The following SYTL2 variants were observed in gnomAD, a reference collection of about 807,000 sequenced individuals.
SYTL2 encodes synaptotagmin-like protein 2.
In SYTL2, 165 loss-of-function variants were observed where a neutral mutation model predicts 198.7. The observed-to-expected ratio is 0.83, with a 90% CI of 0.73 to 0.94. SYTL2 has a LOEUF of 0.94. SYTL2 is among the 40% of genes least tolerant of loss of function. SYTL2 has a pLI of 0.00. For synonymous variants in SYTL2, 966 were observed against 917.7 expected (o/e 1.05, Z -0.95); for missense variants, 2,835 against 2,582.8 (o/e 1.10, Z -2.12).
At chr11:85,800,299 T>G (rs1419700180) in intron 1 of SYTL2, among the ~76,000 whole-genome samples, 1 of 152,088 alleles carries the variant, frequency 6.6e-6, no homozygotes, top group Non-Finnish European at 1.5e-5. Context: ...CTCCAAGAGT[T>G]TCCTGGGTTT....
intron 9 of SYTL2, chr11:85,719,426 A>C: frequency 7.8e-6 from 5 of 640,150 alleles, no homozygotes; most frequent in Non-Finnish European, 1.0e-5. Flanking sequence ...TACATTCCTG[A>C]GTACTTTAAA....
At chr11:85,796,198 G>A (rs1318933323) in intron 1 of SYTL2, among the ~76,000 whole-genome samples, 1 of 152,164 alleles carries the variant, frequency 6.6e-6, no homozygotes, top group Non-Finnish European at 1.5e-5. Context: ...GAGACTCTGG[G>A]CAAATATTTA....
In SYTL2 at chr11:85,734,054, T is replaced by C. The variant is rs1347121544; in HGVS notation, c.1275A>G (p.Ser425=). The change falls in exon 7 of 20, where the codon TCA becomes TCG. Residue 425 remains serine, a synonymous_variant. Transcript: ENST00000359152. ...ACTGTGGTCTTGCAGTTAAAACTTC[T>C]GAATGAGAATGCAGCCCATTAATTG... ...SFPINGLHSH[S]EVLTARPQSM... 5.0e-6 allele frequency: 8 copies of C among 1,614,144 alleles called. No individual in the cohort carries two copies. The highest frequency in any genetic ancestry group is 8.5e-7 in the Non-Finnish European group (1 of 1,179,954).
chr11:85,770,615 C>A (rs757671887), intron 1 of SYTL2, among the ~76,000 whole-genome samples: 7 of 152,320 alleles, frequency 4.6e-5, no homozygotes, highest in Admixed American at 1.3e-4. Flanking sequence ...TACAGCCCAT[C>A]CATTCCCCAC....
Position 85,757,741 on chromosome 11 carries a change from C to CA in SYTL2, c.-17dup, listed in dbSNP as rs2091951036. 6.2e-7 allele frequency: 1 copy of CA among 1,609,684 alleles called. No homozygotes were observed. The highest frequency in any genetic ancestry group is 1.3e-5 in the African/African-American group (1 of 74,886). Reference sequence around the variant, plus strand: ...AGTCAATCATTTTGAAAAGTGCATGCAAAAATAATAGCAACAAATGTGGCT... The same window carrying CA: ...AGTCAATCATTTTGAAAAGTGCATGCAAAAAATAATAGCAACAAATGTGGCT... On this transcript the variant is annotated 5_prime_UTR_variant, in exon 2 of 20. Coordinates refer to ENST00000359152, the MANE Select transcript of SYTL2 (RefSeq NM_206927.4).
At chr11:85,851,953 T>C in the SYTL2 span, among the ~76,000 whole-genome samples, 4 of 145,416 alleles carry the variant, frequency 2.8e-5, no homozygotes, top group African/African-American at 7.6e-5. Flanking sequence ...GTGTAGATCA[T>C]AGCAAATTCC....
intron 1 of SYTL2, among the ~76,000 whole-genome samples, chr11:85,768,998 C>T (rs2092301669): frequency 6.6e-6 from 1 of 150,668 alleles, no homozygotes; most frequent in African/African-American, 2.5e-5. Context: ...GCAGGCGCCT[C>T]ATTTATTGAG....
chr11:85,699,448 A>G (rs997872428), intron 17 of SYTL2, among the ~76,000 whole-genome samples: 1 of 152,220 alleles, frequency 6.6e-6, no homozygotes, highest in African/African-American at 2.4e-5. Context: ...ACTTTAAATG[A>G]TAGGATACAA....
intron 17 of SYTL2, among the ~76,000 whole-genome samples, chr11:85,698,721 T>A (rs537284575): frequency 4.3e-4 from 66 of 152,304 alleles, no homozygotes; most frequent in African/African-American, 1.5e-3. Context: ...TAAATTTTTG[T>A]AGAGACAGAG....
intron 2 of SYTL2, among the ~76,000 whole-genome samples, chr11:85,751,918 C>T (rs2153535533): frequency 6.6e-6 from 1 of 152,356 alleles, no homozygotes; most frequent in Non-Finnish European, 1.5e-5. Flanking sequence ...TCAAATTGGA[C>T]ATTAAAAATT....
At chr11:85,711,342 G>C in intron 12 of SYTL2, 110 bp from the exon 13 acceptor site, 1 of 1,182,790 alleles carries the variant, frequency 8.5e-7, no homozygotes, top group Non-Finnish European at 1.2e-6. Flanking sequence ...ATTTACGCAA[G>C]GTCAAAGGAT....
At chr11:85,780,835 C>T (rs987130325) in intron 1 of SYTL2, among the ~76,000 whole-genome samples, 7 of 152,202 alleles carry the variant, frequency 4.6e-5, no homozygotes, top group South Asian at 2.1e-4. Flanking sequence ...CTATTACTTG[C>T]GATTGGCATC....
rs182656809 is a variant in SYTL2 at position 85,730,928 on chromosome 11, C to G, written c.1391-2961G>C. ...ATACAAAATCAATGTGCAAAAATCA[C>G]AAGCATTCCTATACACCAATAATAA... On this transcript the variant is annotated intron_variant, in intron 7 of 19. Coordinates refer to ENST00000359152, the MANE Select transcript of SYTL2 (RefSeq NM_206927.4). Among the ~76,000 whole-genome samples, 4 of 152,270 alleles carry G rather than the reference C, an allele frequency of 2.6e-5. No homozygotes were observed. The East Asian group carries it at 7.7e-4, about 29-fold the overall frequency.
the SYTL2 span, among the ~76,000 whole-genome samples, chr11:85,840,386 C>T: frequency 2.0e-5 from 3 of 152,114 alleles, no homozygotes; most frequent in African/African-American, 7.2e-5. Flanking sequence ...TGGAGATTTT[C>T]CCCAATGTTT....
the SYTL2 span, among the ~76,000 whole-genome samples, chr11:85,848,035 T>C: frequency 0.014 from 2,074 of 152,146 alleles, 21 homozygotes; most frequent in African/African-American, 0.029. Context: ...GAGACCAGCC[T>C]AGGCAACAAG....
intron 1 of SYTL2, among the ~76,000 whole-genome samples, chr11:85,758,768 T>C (rs2091992027): frequency 6.6e-6 from 1 of 152,188 alleles, no homozygotes; most frequent in Admixed American, 6.5e-5. Context: ...AAGTGAGGAT[T>C]TTTCAGTTGC....
intron 17 of SYTL2, among the ~76,000 whole-genome samples, 177 bp downstream of exon 17, chr11:85,700,338 G>C (rs1315773942): frequency 2.8e-5 from 3 of 108,520 alleles, no homozygotes; most frequent in Non-Finnish European, 5.9e-5. Context: ...TTTTTTTTTT[G>C]CCACAATAAC....
chr11:85,766,643 T>C (rs1252111924), intron 1 of SYTL2, among the ~76,000 whole-genome samples: 1 of 152,130 alleles, frequency 6.6e-6, no homozygotes. Context: ...CAGGCCCAGA[T>C]CTCATTCTGG....
chr11:85,782,227 G>A (rs1304607833), intron 1 of SYTL2, among the ~76,000 whole-genome samples: 2 of 152,212 alleles, frequency 1.3e-5, no homozygotes, highest in African/African-American at 4.8e-5. Flanking sequence ...CCAAGGCTTG[G>A]GGCTTACAAC....
Sources: gnomAD v4.1 joint callset for allele counts (sites outside exome capture counted in the v4.1 genomes callset) on GRCh38, gnomAD v4.1.1 for gene constraint, MANE v1.5 for transcripts, NCBI Gene and HGNC (gene_info 2026-07-23, HGNC 2026-07-21) for gene names.